Variants in NEURL1B observed in about 807,000 individuals in gnomAD.
NEURL1B encodes neuralized E3 ubiquitin protein ligase 1B.
NEURL1B carries 13 observed loss-of-function variants against 37.4 expected under a neutral mutation model. The observed-to-expected ratio is 0.35, with a 90% confidence interval of 0.23 to 0.55. NEURL1B has a LOEUF of 0.55. Among genes scored for constraint, NEURL1B ranks in the 20% least tolerant of loss-of-function variants. NEURL1B has a pLI of 0.89. For missense variants in NEURL1B, 790 were observed against 879.2 expected (o/e 0.90, Z 1.28); for synonymous variants, 432 against 426.6 (o/e 1.01, Z -0.16).
intron 1 of NEURL1B, among the ~76,000 whole-genome samples, chr5:172,660,919 C>CCGTGCCCA (rs1757888951): frequency 1.3e-5 from 2 of 152,174 alleles, no homozygotes; most frequent in Admixed American, 1.3e-4. Flanking sequence ...GCGTGAGCCA[C>CCGTGCCCA]CGTGCCCAGC....
chr5:172,660,890 C>T (rs1757887785), intron 1 of NEURL1B, among the ~76,000 whole-genome samples: 3 of 152,146 alleles, frequency 2.0e-5, no homozygotes, highest in Non-Finnish European at 2.9e-5. Context: ...CTCGGCCTTA[C>T]AAAGTGCCGA....
intron 2 of NEURL1B, among the ~76,000 whole-genome samples, chr5:172,672,384 A>G (rs1318785348): frequency 6.6e-6 from 1 of 151,838 alleles, no homozygotes; most frequent in African/African-American, 2.4e-5. Context: ...ATCCCACCTC[A>G]CTCACCTGCT....
chr5:172,653,525 G>C (rs1037007495), intron 1 of NEURL1B, among the ~76,000 whole-genome samples: 1 of 152,138 alleles, frequency 6.6e-6, no homozygotes, highest in South Asian at 2.1e-4. Context: ...AGAAAAACCC[G>C]TCATGTTATT....
Position 172,683,909 on chromosome 5 carries a change from C to T in NEURL1B, c.1068C>T (p.Pro356=). ...DPGVLRPNEL[P]ADPDALLDRK... ...GCGTGCTACGGCCCAACGAGCTGCC[C>T]GCCGACCCAGACGCGCTGCTCGACC... The change falls in exon 3 of 5, where the codon CCC becomes CCT. Residue 356 remains proline (P), a synonymous_variant. Transcript: ENST00000369800. This position sits in a 1 kb window ranked among gnomAD's most constrained non-coding sequence, Gnocchi z 5.6. 1 of 1,413,512 alleles carries T rather than the reference C, an allele frequency of 7.1e-7. No individual in the cohort carries two copies. The allele number at this position is 1,413,512 out of a possible 1,614,324, so 87.6% of individuals were successfully genotyped here. A position where few individuals can be genotyped will look rare whatever the true frequency, so the allele number is the denominator to read the frequency against.
At chr5:172,663,466 A>G (rs1346363926) in intron 1 of NEURL1B, among the ~76,000 whole-genome samples, 2 of 148,596 alleles carry the variant, frequency 1.3e-5, no homozygotes, top group African/African-American at 5.1e-5. Flanking sequence ...TGTTGCAGTG[A>G]GCCAAGATCA....
In NEURL1B at chr5:172,658,076, C is replaced by G. The variant is rs149045933; in HGVS notation, c.32-11709C>G. 7.5e-3 allele frequency among the ~76,000 whole-genome samples: 1,142 copies of G among 152,268 alleles called. 16 individuals are homozygous for G. The highest frequency in any genetic ancestry group is 0.027 in the African/African-American group (1,116 of 41,540). ...TTGTCAATCACTTAGAAGATTCACCCTCCTTACCCTGCCCCCTTGTCTTGT... is the reference window on the plus strand; with the variant it reads ...TTGTCAATCACTTAGAAGATTCACCGTCCTTACCCTGCCCCCTTGTCTTGT... On this transcript the variant is annotated intron_variant, in intron 1 of 4. Coordinates refer to ENST00000369800, the MANE Select transcript of NEURL1B (RefSeq NM_001142651.3).
Position 172,683,513 on chromosome 5 carries a change from C to G in NEURL1B, c.672C>G (p.Phe224Leu). 1 of 1,502,112 alleles carries G rather than the reference C, an allele frequency of 6.7e-7. No homozygotes were observed. Among genetic ancestry groups the G allele is most frequent in the East Asian group, 2.7e-5 (1 of 37,106 alleles). The allele number at this position is 1,502,112 out of a possible 1,614,324, so 93.0% of individuals were successfully genotyped here. A position where few individuals can be genotyped will look rare whatever the true frequency, so the allele number is the denominator to read the frequency against. Reference protein sequence around the residue: ...LPPSSHDAANFDNNELENNQV... With the variant: ...LPPSSHDAANLDNNELENNQV... ...CCAGCAGCCACGACGCGGCCAACTT[C>G]GACAACAACGAGCTCGAGAACAACC... Residue 224 changes from phenylalanine to leucine, a missense_variant, in exon 3 of 5, where the codon TTC becomes TTG. Around this residue, in one of 3 missense-constraint regions of NEURL1B, gnomAD observed 460 missense variants for 407.4 expected, o/e 1.13. Transcript: ENST00000369800. The surrounding 1 kb of genome is among the most constrained non-coding windows in gnomAD (Gnocchi z 5.6).
Position 172,682,084 on chromosome 5 carries a change from C to T in NEURL1B, c.578-1335C>T, listed in dbSNP as rs537929547. On this transcript the variant is annotated intron_variant, in intron 2 of 4. Coordinates refer to ENST00000369800, the MANE Select transcript of NEURL1B (RefSeq NM_001142651.3). ...GAGAACATGGTGGTGACCAGACTGACACAGACCCTGCCCTCAAGAGACTCA... is the reference window on the plus strand; with the variant it reads ...GAGAACATGGTGGTGACCAGACTGATACAGACCCTGCCCTCAAGAGACTCA... 5.9e-5 allele frequency among the ~76,000 whole-genome samples: 9 copies of T among 152,318 alleles called. No individual in the cohort carries two copies. In the South Asian group the frequency reaches 1.2e-3, roughly 21 times the overall value.
At chr5:172,659,086 C>A (rs530802247) in intron 1 of NEURL1B, among the ~76,000 whole-genome samples, 118 of 145,984 alleles carry the variant, frequency 8.1e-4, no homozygotes, top group South Asian at 2.3e-3. Flanking sequence ...GTATTGCTCA[C>A]CCTCTGTGCC....
chr5:172,658,852 C>A (rs1038021802), intron 1 of NEURL1B, among the ~76,000 whole-genome samples: 9 of 152,262 alleles, frequency 5.9e-5, no homozygotes, highest in Middle Eastern at 3.4e-3. Context: ...CAGGCCCTAC[C>A]CCCAATTCTT....
intron 1 of NEURL1B, among the ~76,000 whole-genome samples, chr5:172,645,005 T>G (rs554390208): frequency 7.9e-5 from 12 of 152,082 alleles, no homozygotes; most frequent in Non-Finnish European, 1.6e-4. Flanking sequence ...ACAGGTTGGG[T>G]TTCATCATTA....
chr5:172,664,946 T>C (rs1199162518), intron 1 of NEURL1B, among the ~76,000 whole-genome samples: 1 of 152,174 alleles, frequency 6.6e-6, no homozygotes, highest in African/African-American at 2.4e-5. Flanking sequence ...TCCTAACATA[T>C]AGTTGGTTTT....
Position 172,661,734 on chromosome 5 carries a change from G to C in NEURL1B, c.32-8051G>C, listed in dbSNP as rs1402596619. Reference sequence around the variant, plus strand: ...CATGCCATCTGCGGAACTCCAGCAGGCTGGAAGCCGGCGTCTCGGGGCCAG... The same window carrying C: ...CATGCCATCTGCGGAACTCCAGCAGCCTGGAAGCCGGCGTCTCGGGGCCAG... On this transcript the variant is annotated intron_variant, in intron 1 of 4. Transcript: ENST00000369800. The surrounding 1 kb of genome is among the most constrained non-coding windows in gnomAD (Gnocchi z 4.0). Among the ~76,000 whole-genome samples the C allele has an allele frequency of 6.6e-6, 1 of 152,248 alleles. No individual in the cohort carries two copies. Among genetic ancestry groups the C allele is most frequent in the Admixed American group, 6.5e-5 (1 of 15,290 alleles).
At chr5:172,671,970 GA>G (rs1456211001) in intron 2 of NEURL1B, among the ~76,000 whole-genome samples, 1 of 152,262 alleles carries the variant, frequency 6.6e-6, no homozygotes, top group Admixed American at 6.5e-5. Context: ...CCAGGTAACT[GA>G]AACTTTCTGT....
In NEURL1B at chr5:172,686,176, C is replaced by T. The variant is rs1395483021; in HGVS notation, c.1303C>T (p.Leu435=). The T allele has an allele frequency of 1.3e-6, 2 of 1,551,540 alleles. No homozygotes were observed. Among genetic ancestry groups the T allele is most frequent in the Non-Finnish European group, 1.7e-6 (2 of 1,146,974 alleles). ...GGAATCTCTTTGGGCCTCAGGTACC[C>T]TGCAGTCCAGCCCTGCGACCACGAC... is the stretch of plus-strand genomic sequence containing the variant. ...VAGQLRLLGT[L]QSSPATTTPS... is the part of the protein sequence containing the mutation. Residue 435 remains leucine (L), a synonymous_variant, in exon 4 of 5, where the codon CTG becomes TTG. Transcript: ENST00000369800. The surrounding 1 kb of genome is among the most constrained non-coding windows in gnomAD (Gnocchi z 7.9).
In NEURL1B at chr5:172,690,829, C is replaced by G. The variant is rs570000804; in HGVS notation, c.*3904C>G. ...GAGGCCCCGCCGGTTGGTGATCACCCTCAGGTCCTGCCAGGGAGACACAGT... is the reference window on the plus strand; with the variant it reads ...GAGGCCCCGCCGGTTGGTGATCACCGTCAGGTCCTGCCAGGGAGACACAGT... On this transcript the variant is annotated 3_prime_UTR_variant, in exon 5 of 5. Coordinates refer to ENST00000369800, the MANE Select transcript of NEURL1B (RefSeq NM_001142651.3). 6.6e-6 allele frequency: 1 copy of G among 152,402 alleles called. No homozygotes were observed. The highest frequency in any genetic ancestry group is 2.1e-4 in the South Asian group (1 of 4,828). 9.4% of individuals were successfully genotyped at this position (152,402 alleles called of 1,614,324 possible). A position where few individuals can be genotyped will look rare whatever the true frequency, so the allele number is the denominator to read the frequency against.
intron 2 of NEURL1B, among the ~76,000 whole-genome samples, chr5:172,680,259 G>A (rs111443591): frequency 9.1e-4 from 138 of 152,308 alleles, no homozygotes; most frequent in African/African-American, 3.2e-3. Context: ...CTGAGGCTCT[G>A]GGAGGTGAAA....
chr5:172,684,406 G>C (rs531905413), intron 3 of NEURL1B, among the ~76,000 whole-genome samples: 1 of 152,006 alleles, frequency 6.6e-6, no homozygotes, highest in Non-Finnish European at 1.5e-5. Flanking sequence ...TGACGTTGCG[G>C]CTCTCTGGAC....
At chr5:172,644,019 T>C (rs1352356343) in intron 1 of NEURL1B, among the ~76,000 whole-genome samples, 1 of 151,962 alleles carries the variant, frequency 6.6e-6, no homozygotes. Context: ...ACTCACTCCT[T>C]TGACCCAGCT....
Sources: allele counts gnomAD v4.1 joint callset (sites outside exome capture counted in the v4.1 genomes callset), GRCh38; gene constraint gnomAD v4.1.1; regional missense constraint gnomAD v4.1.1; non-coding constraint Gnocchi (gnomAD v3.1); transcripts MANE v1.5; gene names NCBI Gene and HGNC (gene_info 2026-07-23, HGNC 2026-07-21).